Variants in CNTLN observed in about 807,000 individuals in gnomAD.
CNTLN encodes centlein, centrosomal protein.
CNTLN carries 212 observed loss-of-function variants against 180.0 expected under a neutral mutation model. The observed-to-expected ratio is 1.18, with a 90% confidence interval of 1.05 to 1.32. The LOEUF is 1.32. Among genes scored for constraint, CNTLN ranks in the 40% most tolerant of loss-of-function variants. The pLI is 0.00. For synonymous variants in CNTLN, 722 were observed against 563.1 expected (o/e 1.28, Z -3.99); for missense variants, 2,095 against 1,610.9 (o/e 1.30, Z -5.14).
intron 2 of CNTLN, among the ~76,000 whole-genome samples, chr9:17,220,870 A>G (rs529655173): frequency 6.6e-6 from 1 of 152,198 alleles, no homozygotes; most frequent in East Asian, 1.9e-4. Flanking sequence ...TGTTGATTCC[A>G]TGTCTTTGCT....
chr9:17,337,396 C>T (rs1821125507), intron 10 of CNTLN, among the ~76,000 whole-genome samples: 1 of 152,068 alleles, frequency 6.6e-6, no homozygotes, highest in South Asian at 2.1e-4. Context: ...TGCCTGTGTC[C>T]TGAATGGTAT....
intron 18 of CNTLN, among the ~76,000 whole-genome samples, chr9:17,421,712 G>C (rs748913501): frequency 4.6e-5 from 7 of 151,926 alleles, no homozygotes; most frequent in Non-Finnish European, 7.4e-5. Context: ...TCATGCTTTA[G>C]TGTGTGTGTA....
chr9:17,294,773 GGGAGTGAGGGGA>G (rs1817692802), intron 6 of CNTLN, among the ~76,000 whole-genome samples: 1 of 50,490 alleles, frequency 2.0e-5, no homozygotes, highest in Non-Finnish European at 4.1e-5. Context: ...CCACCGCGGG[GGGAGTGAGGGGA>G]GGGAGGGGGG....
At chr9:17,351,620 A>G (rs933978540) in intron 12 of CNTLN, among the ~76,000 whole-genome samples, 5 of 152,096 alleles carry the variant, frequency 3.3e-5, no homozygotes, top group African/African-American at 1.2e-4. Context: ...CACATCACAA[A>G]CATCCTATCT....
intron 8 of CNTLN, among the ~76,000 whole-genome samples, chr9:17,325,905 A>G (rs1820257748): frequency 6.6e-6 from 1 of 152,072 alleles, no homozygotes. Flanking sequence ...GCTGTGAAAC[A>G]ATTTTCTATG....
chr9:17,483,224 G>C (rs1832735129), intron 23 of CNTLN, among the ~76,000 whole-genome samples: 2 of 152,136 alleles, frequency 1.3e-5, no homozygotes, highest in Admixed American at 1.3e-4. Context: ...TAAGGCTGAT[G>C]CTCAACTTTG....
At chr9:17,226,341 A>C in intron 3 of CNTLN, 54 bp downstream of exon 3, 1 of 945,800 alleles carries the variant, frequency 1.1e-6, no homozygotes, top group East Asian at 3.0e-5. Context: ...TGGGTAGTAG[A>C]TCTTCAAAAT....
chr9:17,526,745 ATT>A, the CNTLN span, among the ~76,000 whole-genome samples: 1 of 38,300 alleles, frequency 2.6e-5, no homozygotes, highest in Non-Finnish European at 1.3e-4. Flanking sequence ...ATGTAAAAAA[ATT>A]AATTAATTTA....
chr9:17,253,065 A>G (rs1826250913), intron 5 of CNTLN, among the ~76,000 whole-genome samples: 1 of 151,690 alleles, frequency 6.6e-6, no homozygotes, highest in South Asian at 2.1e-4. Context: ...GCTTTGTTGA[A>G]GATCAGTCAG....
chr9:17,518,188 C>T, the CNTLN span, among the ~76,000 whole-genome samples: 3 of 151,890 alleles, frequency 2.0e-5, no homozygotes, highest in Admixed American at 2.0e-4. Context: ...GCTAGGATTA[C>T]AGATGTGCAC....
chr9:17,197,818 T>C (rs1388516207), intron 2 of CNTLN, among the ~76,000 whole-genome samples: 1 of 152,208 alleles, frequency 6.6e-6, no homozygotes, highest in African/African-American at 2.4e-5. Flanking sequence ...CTCAGTCCAG[T>C]GTCCTGGAGA....
At chr9:17,412,451 C>A (rs945779414) in intron 16 of CNTLN, among the ~76,000 whole-genome samples, 1 of 152,126 alleles carries the variant, frequency 6.6e-6, no homozygotes, top group African/African-American at 2.4e-5. Flanking sequence ...CAACTCACTA[C>A]AATGGTTTGA....
At chr9:17,294,979 C>T (rs1362525914) in intron 6 of CNTLN, among the ~76,000 whole-genome samples, 3 of 150,902 alleles carry the variant, frequency 2.0e-5, no homozygotes, top group Non-Finnish European at 3.0e-5. Flanking sequence ...CCCTGCCGCA[C>T]AGGGAGGCAG....
intron 18 of CNTLN, among the ~76,000 whole-genome samples, chr9:17,418,704 A>G (rs1828461537): frequency 6.6e-6 from 1 of 151,948 alleles, no homozygotes; most frequent in South Asian, 2.1e-4. Flanking sequence ...TTTATTCTAA[A>G]GTATTGAATC....
At chr9:17,201,961 T>C (rs974790378) in intron 2 of CNTLN, among the ~76,000 whole-genome samples, 1 of 152,204 alleles carries the variant, frequency 6.6e-6, no homozygotes, top group South Asian at 2.1e-4. Flanking sequence ...AGCTTTCTGA[T>C]GTGGGCATTT....
chr9:17,417,369 A>G (rs1056607562), intron 18 of CNTLN, among the ~76,000 whole-genome samples: 12 of 151,704 alleles, frequency 7.9e-5, no homozygotes, highest in African/African-American at 2.9e-4. Flanking sequence ...ACATTGTTTT[A>G]TATCTCACCG....
At chr9:17,308,004 A>G (rs556148221) in intron 7 of CNTLN, among the ~76,000 whole-genome samples, 349 of 151,646 alleles carry the variant, frequency 2.3e-3, no homozygotes, top group African/African-American at 7.8e-3. Context: ...ACACACACAC[A>G]CACACACACA....
intron 21 of CNTLN, 30 bp from the exon 22 acceptor site, chr9:17,465,951 A>G (rs764021668): frequency 1.1e-5 from 18 of 1,566,232 alleles, no homozygotes; most frequent in Admixed American, 3.6e-5. Flanking sequence ...GCCTTCAACA[A>G]TAATAATTAC....
At chr9:17,357,966 A>G (rs1172040812) in intron 12 of CNTLN, among the ~76,000 whole-genome samples, 3 of 152,142 alleles carry the variant, frequency 2.0e-5, no homozygotes, top group Non-Finnish European at 4.4e-5. Context: ...TTTGTTCTGA[A>G]GAAAAGAATG....
Sources: allele counts gnomAD v4.1 joint callset (sites outside exome capture counted in the v4.1 genomes callset), GRCh38; gene constraint gnomAD v4.1.1; transcripts MANE v1.5; gene names NCBI Gene and HGNC (gene_info 2026-07-23, HGNC 2026-07-21).